The following GLRA3 variants were observed in gnomAD, a reference collection of about 807,000 sequenced individuals.
The protein encoded by GLRA3 is glycine receptor subunit alpha-3.
A neutral mutation model predicts 60.4 loss-of-function variants in GLRA3; 44 were observed. The ratio of observed to expected loss-of-function variants is 0.73; its 90% CI spans 0.57 to 0.94. The LOEUF is 0.94. Among genes scored for constraint, GLRA3 ranks in the 40% least tolerant of loss-of-function variants. GLRA3 has a pLI of 0.00. For missense variants in GLRA3, 508 were observed against 564.6 expected (o/e 0.90, Z 1.02); for synonymous variants, 223 against 192.9 (o/e 1.16, Z -1.29).
At chr4:174,706,970 A>G (rs10023637) in intron 5 of GLRA3, among the ~76,000 whole-genome samples, 2,093 of 152,342 alleles carry the variant, frequency 0.014, 53 homozygotes, top group African/African-American at 0.047. Context: ...AGGAAAAGCC[A>G]TGCTACATTG....
At chr4:174,756,883 T>G (rs1737727813) in intron 3 of GLRA3, among the ~76,000 whole-genome samples, 1 of 152,142 alleles carries the variant, frequency 6.6e-6, no homozygotes, top group African/African-American at 2.4e-5. Flanking sequence ...CCTGACCTCG[T>G]GATCCACCCG....
rs73008366 is a variant in GLRA3 at position 174,808,165 on chromosome 4, A to G, written c.72-19222T>C. On this transcript the variant is annotated intron_variant, in intron 1 of 9. Coordinates refer to ENST00000274093, the MANE Select transcript of GLRA3 (RefSeq NM_006529.4). ...TTGAAAAAGCACTTAAAGCCAGAAGAAAACAAGTATGGAATTAAGGAAAAA... is the reference window on the plus strand; with the variant it reads ...TTGAAAAAGCACTTAAAGCCAGAAGGAAACAAGTATGGAATTAAGGAAAAA... Among the ~76,000 whole-genome samples, 527 of 152,284 alleles carry G rather than the reference A, an allele frequency of 3.5e-3. 2 individuals are homozygous for G. Among genetic ancestry groups the G allele is most frequent in the African/African-American group, 0.012 (504 of 41,556 alleles).
intron 7 of GLRA3, among the ~76,000 whole-genome samples, chr4:174,662,419 G>T (rs1579405351): frequency 6.6e-6 from 1 of 152,062 alleles, no homozygotes; most frequent in East Asian, 1.9e-4. Context: ...GTCAGGCTGG[G>T]TTCAAACTAA....
chr4:174,728,282 T>C (rs150103400), intron 4 of GLRA3, among the ~76,000 whole-genome samples, 193 bp downstream of exon 4: 8 of 152,362 alleles, frequency 5.3e-5, no homozygotes, highest in Non-Finnish European at 1.0e-4. Flanking sequence ...ATTACTTATA[T>C]AGTTCCTGAA....
rs1002512052 is a variant in GLRA3 at position 174,704,281 on chromosome 4, C to T, written c.574+11207G>A. 7.0e-5 allele frequency among the ~76,000 whole-genome samples: 10 copies of T among 143,258 alleles called. 2 individuals are homozygous for T. The highest frequency in any genetic ancestry group is 7.2e-5 in the Admixed American group (1 of 13,930). 94.0% of individuals were successfully genotyped at this position (143,258 alleles called of 152,430 possible). A position where few individuals can be genotyped will look rare whatever the true frequency, so the allele number is the denominator to read the frequency against. ...TGCACTCCAGCGCGGGCAACAGAGT[C>T]AGACCCTATATACAAAAAATGGTGA... On this transcript the variant is annotated intron_variant, in intron 5 of 9. Transcript: ENST00000274093.
At chr4:174,776,124 A>G (rs569807156) in intron 2 of GLRA3, among the ~76,000 whole-genome samples, 1 of 152,098 alleles carries the variant, frequency 6.6e-6, no homozygotes, top group Non-Finnish European at 1.5e-5. Flanking sequence ...AGCCCTATGG[A>G]ATTTTTGAGG....
At chr4:174,709,085 T>C (rs1346038191) in intron 5 of GLRA3, among the ~76,000 whole-genome samples, 1 of 152,062 alleles carries the variant, frequency 6.6e-6, no homozygotes, top group Admixed American at 6.5e-5. Context: ...TAAATTGTGA[T>C]ATAAATGAAA....
At chr4:174,692,170 G>A (rs1283823239) in intron 5 of GLRA3, among the ~76,000 whole-genome samples, 1 of 151,922 alleles carries the variant, frequency 6.6e-6, no homozygotes, top group Non-Finnish European at 1.5e-5. Context: ...CACCCTGTCT[G>A]GGAAGTGAGG....
intron 3 of GLRA3, among the ~76,000 whole-genome samples, chr4:174,737,500 C>CT (rs995194598): frequency 2.5e-4 from 37 of 148,284 alleles, no homozygotes; most frequent in Non-Finnish European, 2.7e-4. Context: ...AATGCTAAGG[C>CT]TTTTTTTTGT....
rs536596802 is a variant in GLRA3 at position 174,643,186 on chromosome 4, T to A, written c.*600A>T. On this transcript the variant is annotated 3_prime_UTR_variant, in exon 10 of 10. Transcript: ENST00000274093. ...TAAATTTGCACAGAGGAAAACTTAA[T>A]ATTCTAAACAATTAAATTTAGTATT... The A allele has an allele frequency of 2.7e-4, 224 of 815,808 alleles. No homozygotes were observed. The African/African-American group carries it at 3.8e-3, about 14-fold the overall frequency. The allele number at this position is 815,808 out of a possible 1,614,324, so 50.5% of individuals were successfully genotyped here.
intron 5 of GLRA3, among the ~76,000 whole-genome samples, chr4:174,707,204 A>T (rs1173455870): frequency 6.6e-6 from 1 of 152,200 alleles, no homozygotes; most frequent in Non-Finnish European, 1.5e-5. Flanking sequence ...CACTGTTGCA[A>T]GGTTTTCAGT....
intron 3 of GLRA3, among the ~76,000 whole-genome samples, chr4:174,743,343 AT>A (rs1561090331): frequency 6.6e-6 from 1 of 152,124 alleles, no homozygotes; most frequent in Non-Finnish European, 1.5e-5. Flanking sequence ...CCCACATTGC[AT>A]TTAGCTTTTA....
At chr4:174,649,777 C>CGCAAAACTCTATCCAAGAGTTCAGGAT (rs1732960824) in intron 9 of GLRA3, among the ~76,000 whole-genome samples, 1 of 151,918 alleles carries the variant, frequency 6.6e-6, no homozygotes, top group African/African-American at 2.4e-5. Flanking sequence ...GAGTTCAGGA[C>CGCAAAACTCTATCCAAGAGTTCAGGAT]AGAGATGGCT....
intron 5 of GLRA3, among the ~76,000 whole-genome samples, chr4:174,706,154 C>CCA: frequency 6.6e-6 from 1 of 151,816 alleles, no homozygotes; most frequent in Non-Finnish European, 1.5e-5. Flanking sequence ...GGCGTGAACC[C>CCA]GGGAGGCAGA....
chr4:174,662,729 G>C (rs905718658), intron 7 of GLRA3, among the ~76,000 whole-genome samples: 2 of 151,790 alleles, frequency 1.3e-5, no homozygotes, highest in African/African-American at 2.4e-5. Flanking sequence ...CAGGTCTCAG[G>C]CTAGACTTTG....
At chr4:174,787,789 G>A (rs2111300402) in intron 2 of GLRA3, among the ~76,000 whole-genome samples, 1 of 152,140 alleles carries the variant, frequency 6.6e-6, no homozygotes, top group Admixed American at 6.5e-5. Context: ...AACAAATCAA[G>A]ACATGTGATC....
intron 1 of GLRA3, among the ~76,000 whole-genome samples, chr4:174,801,343 T>C (rs981750951): frequency 4.6e-5 from 7 of 152,200 alleles, no homozygotes; most frequent in Admixed American, 3.3e-4. Context: ...AGACATAGTA[T>C]AGATTACATT....
intron 4 of GLRA3, among the ~76,000 whole-genome samples, chr4:174,720,332 C>T (rs755021617): frequency 1.6e-4 from 25 of 152,220 alleles, no homozygotes; most frequent in African/African-American, 5.8e-4. Context: ...AAAAACAGAA[C>T]GTATACTTTT....
intron 7 of GLRA3, among the ~76,000 whole-genome samples, chr4:174,666,421 C>A (rs1294689924): frequency 6.6e-6 from 1 of 151,530 alleles, no homozygotes; most frequent in Non-Finnish European, 1.5e-5. Context: ...TACAAAATAC[C>A]ATGTATGTCC....
Sources: gnomAD v4.1 joint callset for allele counts (sites outside exome capture counted in the v4.1 genomes callset) on GRCh38, gnomAD v4.1.1 for gene constraint, MANE v1.5 for transcripts, NCBI Gene and HGNC (gene_info 2026-07-23, HGNC 2026-07-21) for gene names.